The following KIF21B variants were observed in gnomAD, a reference collection of about 807,000 sequenced individuals.
The protein encoded by KIF21B is kinesin family member 21B.
Under a neutral mutation model 192.9 loss-of-function variants are expected in KIF21B, and 85 were observed. The observed-to-expected ratio is 0.44, with a 90% confidence interval of 0.37 to 0.53. KIF21B has a LOEUF of 0.53. KIF21B is among the 20% of genes least tolerant of loss of function. The pLI, the probability that KIF21B is intolerant of heterozygous loss-of-function variation, is 0.00. For missense variants in KIF21B, 1,716 were observed against 2,194.8 expected, an observed-to-expected ratio of 0.78 and a Z score of 4.36; for synonymous variants, 832 against 884.6, an observed-to-expected ratio of 0.94 and a Z score of 1.05.
chr1:201,007,271 C>T (rs573788292), intron 3 of KIF21B, among the ~76,000 whole-genome samples: 3 of 136,162 alleles, frequency 2.2e-5, no homozygotes, highest in East Asian at 2.2e-4. Context: ...GACACACACA[C>T]GCAGACACCC....
Position 200,979,685 on chromosome 1 carries a change from G to T in KIF21B, c.4010C>A (p.Thr1337Lys). The change falls in exon 30 of 35, where the codon ACG (threonine) becomes AAG (lysine). Residue 1337 changes from threonine (T) to lysine (K), a missense_variant. This residue lies in a region of KIF21B where 580 missense variants were observed against 775.5 expected (regional missense o/e 0.75). Transcript: ENST00000461742. ...DRSCKMWNLV[T>K]GQEIAALKGH... ...CTTTAGAGCTGCGATCTCCTGTCCC[G>T]TAACCAAGTTCCACATCTTGCAGCT... 6.4e-7 allele frequency: 1 copy of T among 1,551,344 alleles called. No individual in the cohort carries two copies. The highest frequency in any genetic ancestry group is 8.7e-7 in the Non-Finnish European group (1 of 1,146,804).
intron 14 of KIF21B, among the ~76,000 whole-genome samples, chr1:200,997,669 G>A (rs1177802268): frequency 6.6e-6 from 1 of 152,120 alleles, no homozygotes; most frequent in African/African-American, 2.4e-5. Context: ...ATTGAACCGG[G>A]GGTCAGAGGT....
intron 1 of KIF21B, among the ~76,000 whole-genome samples, chr1:201,019,966 G>T (rs1434616255): frequency 6.6e-6 from 1 of 152,186 alleles, no homozygotes; most frequent in Non-Finnish European, 1.5e-5. Context: ...GGAAATAACT[G>T]CAGCTAGAGA....
chr1:201,021,271 T>G (rs967149087), intron 1 of KIF21B, among the ~76,000 whole-genome samples: 21 of 152,232 alleles, frequency 1.4e-4, no homozygotes, highest in African/African-American at 4.8e-4. Context: ...AGGCATTGTC[T>G]GCTGTACACG....
chr1:201,010,417 A>G lies in KIF21B; in HGVS notation c.42-929T>C, dbSNP rs1571965743. Among the ~76,000 whole-genome samples, 3 of 152,012 alleles carry G rather than the reference A, an allele frequency of 2.0e-5. No homozygotes were observed. In the East Asian group the frequency reaches 5.8e-4, roughly 29 times the overall value. On this transcript the variant is annotated intron_variant, in intron 1 of 34. Transcript: ENST00000461742. ...GACTGAGAAGCCAGCCATGGACACA[A>G]CTATCTCCATCCAGCCACCCCTTCC...
At chr1:201,009,590 C>T in intron 1 of KIF21B, 102 bp from the exon 2 acceptor site, 2 of 1,170,470 alleles carry the variant, frequency 1.7e-6, no homozygotes, top group East Asian at 2.4e-5. Flanking sequence ...CCCCCATGAG[C>T]CAGAGGAAAA....
intron 1 of KIF21B, among the ~76,000 whole-genome samples, chr1:201,016,449 A>T (rs1239808292): frequency 6.6e-6 from 1 of 151,888 alleles, no homozygotes; most frequent in Non-Finnish European, 1.5e-5. Flanking sequence ...GGACGTCTAC[A>T]CCCCCACTTT....
chr1:200,972,500 C>G lies in KIF21B; in HGVS notation c.*1021G>C, dbSNP rs534873600. 2.4e-4 allele frequency: 36 copies of G among 152,600 alleles called. No individual in the cohort carries two copies. Among genetic ancestry groups the G allele is most frequent in the African/African-American group, 8.2e-4 (34 of 41,544 alleles). 9.5% of individuals were successfully genotyped at this position (152,600 alleles called of 1,614,324 possible). On this transcript the variant is annotated 3_prime_UTR_variant, in exon 35 of 35. Transcript: ENST00000461742. ...GCTGTGGGGTGAGCGCCCCCGCCTT[C>G]CCGGGGGCGCTGGGCACAAGACCTC...
rs916406565 is a variant in KIF21B, at chr1:200,974,819, T to G, written c.4709A>C (p.Lys1570Thr). ...TGTGAAGTTGTCCACGTTCCAGACC[T>G]TGATGACACCCGCACGGCAGGCGCT... ...LLSACRAGVIKVWNVDNFTPI... is the reference protein window; with the variant it reads ...LLSACRAGVITVWNVDNFTPI... The change falls in exon 34 of 35, where the codon AAG becomes ACG. Residue 1570 changes from lysine to threonine, a missense_variant. Transcript: ENST00000461742. 1 of 1,614,204 alleles carries G rather than the reference T, an allele frequency of 6.2e-7. No homozygotes were observed. The highest frequency in any genetic ancestry group is 8.5e-7 in the Non-Finnish European group (1 of 1,180,018).
intron 1 of KIF21B, among the ~76,000 whole-genome samples, chr1:201,020,772 C>T (rs1242024829): frequency 2.6e-5 from 4 of 151,436 alleles, no homozygotes; most frequent in Non-Finnish European, 4.4e-5. Flanking sequence ...CCTGGCACTT[C>T]TCACCTAGTC....
At chr1:200,988,971 G>T in intron 21 of KIF21B, 40 bp from the exon 22 acceptor site, 3 of 1,566,610 alleles carry the variant, frequency 1.9e-6, no homozygotes, top group East Asian at 2.3e-5. Flanking sequence ...CCCCTCCTGG[G>T]GGTTGGGAGT....
rs777667718 is a variant in KIF21B, at chr1:200,988,870, G to A, written c.3194C>T (p.Thr1065Met). The stretch of plus-strand genomic sequence containing the variant: ...GTTCTGGGAGGAGCCTGCCATATCC[G>A]TCTGCCTCAGTCGGCCCTCCAACAG... ...IRLLEGRLRQ[T>M]DMAGSSQNHL... Residue 1065 changes from threonine (T) to methionine (M), a missense_variant, in exon 22 of 35, where the codon ACG (threonine) becomes ATG (methionine). By Grantham distance (81) the Thr-to-Met change is moderately conservative. Coordinates refer to ENST00000461742, the MANE Select transcript of KIF21B (RefSeq NM_001252102.2). The A allele has an allele frequency of 1.3e-5, 21 of 1,612,828 alleles. No homozygotes were observed. Among genetic ancestry groups the A allele is most frequent in the South Asian group, 4.4e-5 (4 of 90,806 alleles).
In KIF21B at chr1:200,981,192, G is replaced by A. The variant is rs910762969; in HGVS notation, c.3843-96C>T. 7 of 1,324,292 alleles carry A rather than the reference G, an allele frequency of 5.3e-6. No individual in the cohort carries two copies. In the Admixed American group the frequency reaches 2.0e-4, roughly 37 times the overall value. 82.0% of individuals were successfully genotyped at this position (1,324,292 alleles called of 1,614,324 possible). On this transcript the variant is annotated intron_variant, in intron 28 of 34. Coordinates refer to ENST00000461742, the MANE Select transcript of KIF21B (RefSeq NM_001252102.2). ...GTGTGTGGGATGGGGACAGGGCAGGGAGGGGATGAGGACCAAATAACAGAG... is the reference window on the plus strand; with the variant it reads ...GTGTGTGGGATGGGGACAGGGCAGGAAGGGGATGAGGACCAAATAACAGAG...
chr1:201,004,282 T>C, intron 7 of KIF21B, 58 bp downstream of exon 7: 1 of 1,411,650 alleles, frequency 7.1e-7, no homozygotes. Context: ...CACAGCACTA[T>C]TTTCCAGGAA....
At chr1:200,979,970 A>G (rs1655813891) in intron 29 of KIF21B, among the ~76,000 whole-genome samples, 1 of 152,200 alleles carries the variant, frequency 6.6e-6, no homozygotes, top group Non-Finnish European at 1.5e-5. Flanking sequence ...CTTTCCACTA[A>G]CACCAGAGTT....
intron 1 of KIF21B, among the ~76,000 whole-genome samples, chr1:201,016,503 G>A (rs558421372): frequency 6.6e-6 from 1 of 152,304 alleles, no homozygotes; most frequent in South Asian, 2.1e-4. Flanking sequence ...TGCCAGCTCT[G>A]GGGAAGGCGG....
At chr1:201,010,511 C>A (rs996096120) in intron 1 of KIF21B, among the ~76,000 whole-genome samples, 3 of 152,142 alleles carry the variant, frequency 2.0e-5, no homozygotes, top group African/African-American at 7.2e-5. Flanking sequence ...AGCAAGCATG[C>A]GTGTACAGGG....
chr1:200,990,809 C>A lies in KIF21B; in HGVS notation c.2688-86G>T, dbSNP rs1490075412. On this transcript the variant is annotated intron_variant, in intron 18 of 34. Coordinates refer to ENST00000461742, the MANE Select transcript of KIF21B (RefSeq NM_001252102.2). This position sits in a 1 kb window ranked among gnomAD's most constrained non-coding sequence, Gnocchi z 5.4. ...AGCCCCCATCTGGAGCTGACAGCCACGGGGACCCGGAGCACTCCCCAGAGC... is the reference window on the plus strand; with the variant it reads ...AGCCCCCATCTGGAGCTGACAGCCAAGGGGACCCGGAGCACTCCCCAGAGC... The A allele has an allele frequency of 6.3e-7, 1 of 1,592,550 alleles. No homozygotes were observed.
chr1:200,976,993 C>T (rs1002571821), intron 31 of KIF21B, 100 bp from the exon 32 acceptor site: 3 of 991,256 alleles, frequency 3.0e-6, no homozygotes, highest in South Asian at 3.1e-5. Flanking sequence ...GGTCAGGGTA[C>T]TCACCCTCCC....
Sources: gnomAD v4.1 joint callset for allele counts (sites outside exome capture counted in the v4.1 genomes callset) on GRCh38, gnomAD v4.1.1 for gene constraint, gnomAD v4.1.1 regional missense constraint, Gnocchi (gnomAD v3.1) non-coding constraint, MANE v1.5 for transcripts, NCBI Gene and HGNC (gene_info 2026-07-23, HGNC 2026-07-21) for gene names.